The following FOXP4 variants were observed in gnomAD, a reference collection of about 807,000 sequenced individuals.
The protein encoded by FOXP4 is forkhead box P4.
A neutral mutation model predicts 82.6 loss-of-function variants in FOXP4; 25 were observed. The observed-to-expected ratio is 0.30, with a 90% CI of 0.22 to 0.42. The LOEUF is 0.42. Among genes scored for constraint, FOXP4 ranks in the 10% least tolerant of loss-of-function variants. The pLI, the probability that FOXP4 is intolerant of heterozygous loss-of-function variation, is 1.00. For missense variants in FOXP4, 785 were observed against 900.9 expected, an observed-to-expected ratio of 0.87 and a Z score of 1.65; for synonymous variants, 415 against 388.2, an observed-to-expected ratio of 1.07 and a Z score of -0.81.
intron 16 of FOXP4, 59 bp downstream of exon 16, chr6:41,598,009 G>A: frequency 7.3e-7 from 1 of 1,374,136 alleles, no homozygotes; most frequent in South Asian, 1.5e-5. Flanking sequence ...CAGGGAGGAG[G>A]CGTCATCCCC....
intron 4 of FOXP4, 53 bp from the exon 5 acceptor site, chr6:41,585,378 G>C: frequency 6.3e-7 from 1 of 1,582,270 alleles, no homozygotes; most frequent in Non-Finnish European, 8.7e-7. Context: ...ACAGGGCTGG[G>C]GTTGTGGGGA....
At chr6:41,561,388 A>C (rs911417228) in intron 1 of FOXP4, among the ~76,000 whole-genome samples, 2 of 152,178 alleles carry the variant, frequency 1.3e-5, no homozygotes, top group African/African-American at 4.8e-5. Context: ...ATAAGAGCCC[A>C]GTATTAGCGA....
At chr6:41,598,042 C>T in intron 16 of FOXP4, 92 bp downstream of exon 16, 1 of 1,053,268 alleles carries the variant, frequency 9.5e-7, no homozygotes, top group Non-Finnish European at 1.3e-6. Flanking sequence ...GGTTCCCCAT[C>T]CCACCCCCAC....
chr6:41,602,171 T>A lies in FOXP4; in HGVS notation c.*3235T>A, dbSNP rs1436915635. The A allele has an allele frequency of 6.6e-6, 1 of 152,166 alleles. No individual in the cohort carries two copies. The highest frequency in any genetic ancestry group is 1.5e-5 in the Non-Finnish European group (1 of 68,058). The allele number at this position is 152,166 out of a possible 1,614,324, so 9.4% of individuals were successfully genotyped here. On this transcript the variant is annotated 3_prime_UTR_variant, in exon 17 of 17. Transcript: ENST00000307972. ...TGTAGGGCCTGGGGTGAATTCCCTG[T>A]CCCCCATGGTACCTCGAGAGGGGCT...
At chr6:41,577,774 A>G (rs914919246) in intron 2 of FOXP4, among the ~76,000 whole-genome samples, 1 of 152,034 alleles carries the variant, frequency 6.6e-6, no homozygotes, top group African/African-American at 2.4e-5. Context: ...TCCCAGGCTG[A>G]GTCTGTAGAG....
At chr6:41,552,144 C>T (rs1764034118) in intron 1 of FOXP4, among the ~76,000 whole-genome samples, 1 of 152,146 alleles carries the variant, frequency 6.6e-6, no homozygotes, top group African/African-American at 2.4e-5. Flanking sequence ...CCATTCCCGG[C>T]TGGCTTTACG....
chr6:41,598,669 C>A (rs1767025020), intron 16 of FOXP4, 120 bp from the exon 17 acceptor site: 1 of 1,427,062 alleles, frequency 7.0e-7, no homozygotes, highest in Non-Finnish European at 9.5e-7. Flanking sequence ...CTGATGGGAT[C>A]CTGGGGAGGG....
chr6:41,552,929 G>A (rs903601832), intron 1 of FOXP4, among the ~76,000 whole-genome samples: 5 of 152,228 alleles, frequency 3.3e-5, no homozygotes, highest in African/African-American at 1.2e-4. Context: ...GGCATGACCC[G>A]TCTTCTCTCT....
chr6:41,563,984 T>A (rs1764736510), intron 1 of FOXP4, among the ~76,000 whole-genome samples: 1 of 152,178 alleles, frequency 6.6e-6, no homozygotes, highest in Non-Finnish European at 1.5e-5. Flanking sequence ...AGAAACATTG[T>A]CCTACCACAG....
In FOXP4 at chr6:41,595,069, A is replaced by G. The variant is rs139646747; in HGVS notation, c.1658+78A>G. ...ACTCACCCCCACCCCCTACCTCTCC[A>G]GGGTACACATGTGCACCAGATCCTT... On this transcript the variant is annotated intron_variant, in intron 14 of 16. Coordinates refer to ENST00000307972, the MANE Select transcript of FOXP4 (RefSeq NM_001012426.2). 515 of 1,593,608 alleles carry G rather than the reference A, an allele frequency of 3.2e-4. 5 individuals are homozygous for G. The East Asian group carries it at 0.011, about 34-fold the overall frequency.
At chr6:41,589,063 C>CT (rs756111412) in intron 9 of FOXP4, among the ~76,000 whole-genome samples, 1 of 152,216 alleles carries the variant, frequency 6.6e-6, no homozygotes, top group Non-Finnish European at 1.5e-5. Context: ...TCAAGGAATC[C>CT]TCTCAACAAC....
Position 41,588,664 on chromosome 6 carries a change from C to T in FOXP4, c.998C>T (p.Ala333Val). The change falls in exon 9 of 17, where the codon GCC (alanine) becomes GTC (valine). Residue 333 changes from alanine (A) to valine (V), a missense_variant. By Grantham distance (64) the Ala-to-Val change is moderately conservative. Around this residue, in one of 3 missense-constraint regions of FOXP4, gnomAD observed 570 missense variants for 634.0 expected, o/e 0.90. Transcript: ENST00000307972. ...QFIKHLNTEH[A>V]LDDRSTAQCR... Reference sequence around the variant, plus strand: ...TGAAGACACCTCAACACAGAGCACGCCCTGGATGACCGGAGTACAGCCCAG... The same window carrying T: ...TGAAGACACCTCAACACAGAGCACGTCCTGGATGACCGGAGTACAGCCCAG... 1.2e-6 allele frequency: 2 copies of T among 1,614,094 alleles called. No homozygotes were observed. Among genetic ancestry groups the T allele is most frequent in the Non-Finnish European group, 1.7e-6 (2 of 1,180,016 alleles).
chr6:41,580,248 A>G (rs1765723258), intron 3 of FOXP4, among the ~76,000 whole-genome samples: 1 of 152,064 alleles, frequency 6.6e-6, no homozygotes, highest in Non-Finnish European at 1.5e-5. Flanking sequence ...AGTAGGTTTT[A>G]GTAGCGTTGT....
At chr6:41,563,639 A>G (rs144434797) in intron 1 of FOXP4, among the ~76,000 whole-genome samples, 16 of 152,266 alleles carry the variant, frequency 1.1e-4, no homozygotes, top group East Asian at 3.9e-4. Context: ...TTGGGTCTCA[A>G]TGTCCTCACC....
intron 8 of FOXP4, among the ~76,000 whole-genome samples, chr6:41,588,209 C>T (rs1297793668): frequency 2.0e-5 from 3 of 152,164 alleles, no homozygotes; most frequent in South Asian, 2.1e-4. Context: ...GCCTCAGCCC[C>T]GGGGAGTGAT....
At chr6:41,585,074 G>A (rs558622744) in intron 4 of FOXP4, among the ~76,000 whole-genome samples, 183 bp downstream of exon 4, 1 of 152,256 alleles carries the variant, frequency 6.6e-6, no homozygotes, top group African/African-American at 2.4e-5. Flanking sequence ...TCTTATGGTG[G>A]CCCTGCCCCC....
chr6:41,566,205 G>A (rs914060641), intron 2 of FOXP4, among the ~76,000 whole-genome samples: 2 of 152,192 alleles, frequency 1.3e-5, no homozygotes, highest in African/African-American at 2.4e-5. Flanking sequence ...AGATCATGAA[G>A]CTTGAAACTG....
In FOXP4 at chr6:41,565,908, G is replaced by T. The variant is rs766335487; in HGVS notation, c.148G>T (p.Ala50Ser). Residue 50 changes from alanine to serine, a missense_variant, in exon 2 of 17, where the codon GCA becomes TCA. Coordinates refer to ENST00000307972, the MANE Select transcript of FOXP4 (RefSeq NM_001012426.2). ...CACGGGCAGGGAAGTGACCACGGGT[G>T]CAGACAGCAATGGTGAGATGAGTCC... ...SGTGREVTTG[A>S]DSNGEMSPAE... The T allele has an allele frequency of 1.2e-6, 2 of 1,613,938 alleles. No individual in the cohort carries two copies. The highest frequency in any genetic ancestry group is 2.7e-5 in the African/African-American group (2 of 74,938).
chr6:41,550,933 C>G (rs1341091834), intron 1 of FOXP4, among the ~76,000 whole-genome samples: 2 of 152,198 alleles, frequency 1.3e-5, no homozygotes, highest in Non-Finnish European at 2.9e-5. Flanking sequence ...GGCAGCAAGT[C>G]TCAGACCAGT....
Sources: gnomAD v4.1 joint callset for allele counts (sites outside exome capture counted in the v4.1 genomes callset) on GRCh38, gnomAD v4.1.1 for gene constraint, gnomAD v4.1.1 regional missense constraint, MANE v1.5 for transcripts, NCBI Gene and HGNC (gene_info 2026-07-23, HGNC 2026-07-21) for gene names.